ABCA13: variants seen among roughly 807,000 people sequenced by gnomAD.
The protein encoded by ABCA13 is ATP binding cassette subfamily A member 13, also known as ATP-binding cassette sub-family A member 13.
Under a neutral mutation model 478.7 loss-of-function variants are expected in ABCA13, and 476 were observed. That is an observed-to-expected ratio of 0.99 (90% CI 0.92 to 1.07). The LOEUF is 1.07. Among genes scored for constraint, ABCA13 ranks in the 50% least tolerant of loss-of-function variants. The pLI, the probability that ABCA13 is intolerant of heterozygous loss-of-function variation, is 0.00. For synonymous variants in ABCA13, 2,252 were observed against 2,158.9 expected, an observed-to-expected ratio of 1.04 and a Z score of -1.20; for missense variants, 6,060 against 5,910.6, an observed-to-expected ratio of 1.03 and a Z score of -0.83.
chr7:48,614,995 C>T (rs1160005178), intron 58 of ABCA13, among the ~76,000 whole-genome samples: 1 of 149,690 alleles, frequency 6.7e-6, no homozygotes, highest in Non-Finnish European at 1.5e-5. Flanking sequence ...TGTAACAAAC[C>T]TGCACATTGT....
At chr7:48,304,935 G>A (rs189444940) in intron 23 of ABCA13, among the ~76,000 whole-genome samples, 1 of 152,324 alleles carries the variant, frequency 6.6e-6, no homozygotes, top group East Asian at 1.9e-4. Flanking sequence ...TTAGGAATAT[G>A]AAAACCAAGA....
intron 51 of ABCA13, among the ~76,000 whole-genome samples, chr7:48,515,224 T>G (rs531008966): frequency 6.6e-6 from 1 of 152,306 alleles, no homozygotes; most frequent in South Asian, 2.1e-4. Flanking sequence ...TACATTTACC[T>G]TGAGTGAGCA....
rs1554419829 is a variant in ABCA13, at chr7:48,293,205, CA to C, written c.8956-2494del. ...GAGAAGTCTTCAGCCCCCCCCCCGC[CA>C]CACACACACTAAATCTACCTCAGCT... On this transcript the variant is annotated intron_variant, in intron 20 of 61. Transcript: ENST00000435803. 1.3e-4 allele frequency among the ~76,000 whole-genome samples: 17 copies of C among 134,866 alleles called. 1 individual carries two copies. Among genetic ancestry groups the C allele is most frequent in the East Asian group, 2.4e-4 (1 of 4,202 alleles). 88.5% of individuals were successfully genotyped at this position (134,866 alleles called of 152,430 possible).
chr7:48,384,286 C>T (rs1814833195), intron 35 of ABCA13, among the ~76,000 whole-genome samples: 1 of 152,198 alleles, frequency 6.6e-6, no homozygotes, highest in African/African-American at 2.4e-5. Flanking sequence ...ACGTATGTGT[C>T]AACAGGGGCT....
intron 22 of ABCA13, among the ~76,000 whole-genome samples, chr7:48,297,581 G>C (rs992863467): frequency 6.6e-6 from 1 of 152,270 alleles, no homozygotes; most frequent in Non-Finnish European, 1.5e-5. Context: ...TGATGTCTGT[G>C]TGTCTCTGTT....
chr7:48,330,723 A>C (rs187599352), intron 27 of ABCA13, among the ~76,000 whole-genome samples: 18 of 149,518 alleles, frequency 1.2e-4, no homozygotes, highest in African/African-American at 4.0e-4. Context: ...CCATTTATCT[A>C]TTCATCCATT....
At position 48,276,177 on chromosome 7, in the gene ABCA13, T is replaced by G. The variant is rs774782026; in HGVS notation, c.6511T>G (p.Ser2171Ala). 1.1e-5 allele frequency: 17 copies of G among 1,592,834 alleles called. No homozygotes were observed. The East Asian group carries it at 3.8e-4, about 36-fold the overall frequency. Residue 2171 changes from serine to alanine, a missense_variant, in exon 17 of 62, where the codon TCT (serine) becomes GCT (alanine). Physicochemically the swap from Ser to Ala is moderately conservative, Grantham distance 99. Coordinates refer to ENST00000435803, the MANE Select transcript of ABCA13 (RefSeq NM_152701.5). The stretch of plus-strand genomic sequence containing the variant: ...CAAAGCTATTGCTACTTTTTGGGGC[T>G]CTTTAAAAAATATATCTAGAGCAGG... ...LAKAIATFWG[S>A]LKNISRAGNF... is the part of the protein sequence containing the mutation.
intron 1 of ABCA13, among the ~76,000 whole-genome samples, chr7:48,183,625 G>A (rs573601307): frequency 6.6e-6 from 1 of 152,304 alleles, no homozygotes; most frequent in South Asian, 2.1e-4. Flanking sequence ...GCTTCATTTA[G>A]TTTCACAAGG....
intron 1 of ABCA13, among the ~76,000 whole-genome samples, chr7:48,189,343 G>T (rs1271023955): frequency 6.9e-6 from 1 of 144,124 alleles, no homozygotes; most frequent in East Asian, 2.2e-4. Context: ...CCCCTGCAGA[G>T]AAATAGTCTT....
intron 43 of ABCA13, among the ~76,000 whole-genome samples, chr7:48,466,175 T>A (rs1451967485): frequency 1.3e-5 from 2 of 152,212 alleles, no homozygotes; most frequent in Non-Finnish European, 2.9e-5. Context: ...ATTTAGAAAA[T>A]CTTAAAATGT....
At chr7:48,417,813 T>C (rs186394999) in intron 41 of ABCA13, among the ~76,000 whole-genome samples, 7 of 152,340 alleles carry the variant, frequency 4.6e-5, no homozygotes, top group East Asian at 3.9e-4. Context: ...TGAAAATCTC[T>C]TGTGCTCTGC....
At chr7:48,644,217 C>T (rs1378852480) in intron 60 of ABCA13, among the ~76,000 whole-genome samples, 1 of 152,150 alleles carries the variant, frequency 6.6e-6, no homozygotes, top group Non-Finnish European at 1.5e-5. Context: ...TAAATATCTT[C>T]CCAAGTGTTG....
chr7:48,347,863 C>T (rs1040766470), intron 29 of ABCA13, among the ~76,000 whole-genome samples: 2 of 152,172 alleles, frequency 1.3e-5, no homozygotes, highest in Non-Finnish European at 2.9e-5. Flanking sequence ...TCTCTATGTG[C>T]CAGACACAGT....
intron 39 of ABCA13, 110 bp downstream of exon 39, chr7:48,403,989 CTTT>C: frequency 7.8e-7 from 1 of 1,289,470 alleles, no homozygotes; most frequent in Non-Finnish European, 1.1e-6. Context: ...CTACATTATC[CTTT>C]TCAGAAAAAT....
chr7:48,231,012 G>C (rs917190640), intron 7 of ABCA13, among the ~76,000 whole-genome samples: 3 of 152,068 alleles, frequency 2.0e-5, no homozygotes, highest in African/African-American at 7.2e-5. Flanking sequence ...TCGTCGGGTC[G>C]GGGGAGAGGG....
chr7:48,553,702 G>T (rs576639858), intron 55 of ABCA13, among the ~76,000 whole-genome samples: 23 of 151,978 alleles, frequency 1.5e-4, no homozygotes, highest in African/African-American at 5.1e-4. Context: ...TATGTATTCT[G>T]GTTACTAATC....
At chr7:48,232,919 C>T (rs10271079) in intron 7 of ABCA13, among the ~76,000 whole-genome samples, 43,726 of 151,980 alleles carry the variant, frequency 0.29, 7,067 homozygotes, top group Non-Finnish European at 0.37. Flanking sequence ...AATTACAGCA[C>T]CTACCTCATA....
intron 15 of ABCA13, among the ~76,000 whole-genome samples, chr7:48,268,188 G>A (rs987052041): frequency 6.6e-6 from 1 of 151,854 alleles, no homozygotes; most frequent in Non-Finnish European, 1.5e-5. Flanking sequence ...AGACAGTCTC[G>A]CTCTGTCACC....
chr7:48,463,405 T>C (rs1826487010), intron 43 of ABCA13, among the ~76,000 whole-genome samples: 1 of 152,186 alleles, frequency 6.6e-6, no homozygotes, highest in South Asian at 2.1e-4. Flanking sequence ...CATTTAGGAA[T>C]AGAAGGCATC....
Sources: allele counts gnomAD v4.1 joint callset (sites outside exome capture counted in the v4.1 genomes callset), GRCh38; gene constraint gnomAD v4.1.1; transcripts MANE v1.5; gene names NCBI Gene and HGNC (gene_info 2026-07-23, HGNC 2026-07-21).